Variants in ATRNL1 observed in about 807,000 individuals in gnomAD.
ATRNL1 encodes the protein attractin like 1, also known as attractin-like protein 1.
ATRNL1 carries 95 observed loss-of-function variants against 182.7 expected under a neutral mutation model. The observed-to-expected ratio is 0.52, with a 90% confidence interval of 0.44 to 0.62. The LOEUF (loss-of-function observed/expected upper bound fraction) is 0.62, where lower values mean the gene tolerates loss of function less well. Ranked by LOEUF, ATRNL1 falls within the 20% of genes least tolerant of loss-of-function variation. The pLI is 0.00. For synonymous variants in ATRNL1, 576 were observed against 568.3 expected, an observed-to-expected ratio of 1.01 and a Z score of -0.19; for missense variants, 1,471 against 1,679.5, an observed-to-expected ratio of 0.88 and a Z score of 2.17.
At chr10:115,326,507 C>T (rs1854890407) in intron 18 of ATRNL1, among the ~76,000 whole-genome samples, 1 of 152,012 alleles carries the variant, frequency 6.6e-6, no homozygotes, top group Non-Finnish European at 1.5e-5. Flanking sequence ...GGCCATACTG[C>T]CCAAGGTAAT....
chr10:115,755,142 C>G (rs1948552967), intron 27 of ATRNL1, among the ~76,000 whole-genome samples: 1 of 152,094 alleles, frequency 6.6e-6, no homozygotes, highest in Non-Finnish European at 1.5e-5. Flanking sequence ...TCCTCTTTTC[C>G]TAATTGAATA....
chr10:115,660,657 C>G (rs1860624422), intron 26 of ATRNL1, among the ~76,000 whole-genome samples: 1 of 151,852 alleles, frequency 6.6e-6, no homozygotes. Context: ...GGTGACAAAC[C>G]TTGATTGAGA....
At chr10:115,100,228 G>C (rs1554864248) in intron 1 of ATRNL1, among the ~76,000 whole-genome samples, 1 of 152,066 alleles carries the variant, frequency 6.6e-6, no homozygotes, top group African/African-American at 2.4e-5. Context: ...AGGAATTGGA[G>C]GCTGCAGTGA....
At chr10:115,632,236 A>G (rs1375562147) in intron 26 of ATRNL1, among the ~76,000 whole-genome samples, 2 of 152,172 alleles carry the variant, frequency 1.3e-5, no homozygotes, top group Non-Finnish European at 2.9e-5. Flanking sequence ...AGTGATCTAG[A>G]TGTGAAGTAA....
At chr10:115,341,003 ATTG>A (rs1855729100) in intron 19 of ATRNL1, among the ~76,000 whole-genome samples, 2 of 148,956 alleles carry the variant, frequency 1.3e-5, no homozygotes, top group Non-Finnish European at 3.0e-5. Context: ...TCTTTTTTTT[ATTG>A]TTTTCTTCAT....
chr10:115,466,314 G>T lies in ATRNL1; in HGVS notation c.3418-860G>T, dbSNP rs541012774. Among the ~76,000 whole-genome samples, 157 of 151,442 alleles carry T rather than the reference G, an allele frequency of 1.0e-3. 1 individual carries two copies. The highest frequency in any genetic ancestry group is 3.7e-3 in the African/African-American group (152 of 41,478). ...CTCTCTTACTCCGTTTCACTAGCTA[G>T]ATCTTAGCAGTATAGAATTTTCTAC... On this transcript the variant is annotated intron_variant, in intron 22 of 28. Transcript: ENST00000355044.
intron 28 of ATRNL1, among the ~76,000 whole-genome samples, chr10:115,916,695 G>A (rs1297120073): frequency 6.6e-6 from 1 of 152,186 alleles, no homozygotes; most frequent in African/African-American, 2.4e-5. Context: ...GATCCCGACA[G>A]TGTAGACTGC....
chr10:115,507,738 T>C (rs1265768589), intron 24 of ATRNL1, among the ~76,000 whole-genome samples: 1 of 152,056 alleles, frequency 6.6e-6, no homozygotes, highest in African/African-American at 2.4e-5. Context: ...CAGCTCTTTT[T>C]AGTAGTAGTA....
chr10:115,309,455 A>G (rs1020808483), intron 17 of ATRNL1, among the ~76,000 whole-genome samples: 10 of 152,032 alleles, frequency 6.6e-5, no homozygotes, highest in African/African-American at 2.4e-4. Flanking sequence ...TTCTTTCAGC[A>G]GTGTTTTGTA....
chr10:115,387,391 C>A (rs1307310481), intron 19 of ATRNL1, among the ~76,000 whole-genome samples: 2 of 152,188 alleles, frequency 1.3e-5, no homozygotes, highest in African/African-American at 4.8e-5. Context: ...CCTGATTGAA[C>A]CCCTACAAAT....
At chr10:115,728,111 TA>T (rs782146867) in intron 27 of ATRNL1, among the ~76,000 whole-genome samples, 751 of 44,352 alleles carry the variant, frequency 0.017, 9 homozygotes, top group African/African-American at 0.054. Context: ...CCGTCTCTAC[TA>T]AAAAAAAAAA....
intron 26 of ATRNL1, among the ~76,000 whole-genome samples, chr10:115,664,018 T>C (rs1860857657): frequency 6.6e-6 from 1 of 152,134 alleles, no homozygotes; most frequent in African/African-American, 2.4e-5. Flanking sequence ...CTGAGTTTTG[T>C]CCTGGACGGT....
intron 27 of ATRNL1, among the ~76,000 whole-genome samples, chr10:115,768,875 C>T (rs147550133): frequency 2.4e-3 from 359 of 152,096 alleles, no homozygotes; most frequent in African/African-American, 8.2e-3. Flanking sequence ...ACAAAAGACA[C>T]TTCCTATATA....
At chr10:115,343,977 C>A (rs146859450) in intron 19 of ATRNL1, among the ~76,000 whole-genome samples, 32 of 152,304 alleles carry the variant, frequency 2.1e-4, no homozygotes, top group African/African-American at 7.7e-4. Flanking sequence ...TTCTCCCGAA[C>A]AAACAGAATT....
Position 115,780,540 on chromosome 10 carries a change from A to C in ATRNL1, c.3903+53185A>C, listed in dbSNP as rs545396041. Among the ~76,000 whole-genome samples the C allele has an allele frequency of 2.0e-5, 3 of 152,112 alleles. No individual in the cohort carries two copies. The East Asian group carries it at 5.8e-4, about 29-fold the overall frequency. On this transcript the variant is annotated intron_variant, in intron 27 of 28. Transcript: ENST00000355044. Reference sequence around the variant, plus strand: ...CCCAGGCTGAAGAGCTCATGGCAACAAAAGTGACTCCTTTCTGTTTGAGGA... The same window carrying C: ...CCCAGGCTGAAGAGCTCATGGCAACCAAAGTGACTCCTTTCTGTTTGAGGA...
intron 26 of ATRNL1, among the ~76,000 whole-genome samples, chr10:115,636,186 A>G (rs1379488710): frequency 6.6e-6 from 1 of 152,176 alleles, no homozygotes; most frequent in Non-Finnish European, 1.5e-5. Context: ...GTAGGCAACC[A>G]TCAAAAGGGA....
Position 115,755,136 on chromosome 10 carries a change from C to G in ATRNL1, c.3903+27781C>G, listed in dbSNP as rs145609210. Among the ~76,000 whole-genome samples, 1,048 of 152,290 alleles carry G rather than the reference C, an allele frequency of 6.9e-3. 15 individuals are homozygous for G. The highest frequency in any genetic ancestry group is 0.024 in the African/African-American group (988 of 41,558). ...GCAAACAGGGAAAATTTGACTTCCTCTTTTCCTAATTGAATACCCTTTGTT... is the reference window on the plus strand; with the variant it reads ...GCAAACAGGGAAAATTTGACTTCCTGTTTTCCTAATTGAATACCCTTTGTT... On this transcript the variant is annotated intron_variant, in intron 27 of 28. Coordinates refer to ENST00000355044, the MANE Select transcript of ATRNL1 (RefSeq NM_207303.4).
intron 25 of ATRNL1, among the ~76,000 whole-genome samples, chr10:115,521,043 A>G (rs76768638): frequency 6.6e-6 from 1 of 152,228 alleles, no homozygotes; most frequent in Non-Finnish European, 1.5e-5. Flanking sequence ...CAGAAAACAA[A>G]TGAATTTTAA....
chr10:115,630,775 AATAG>A (rs1218051277), intron 26 of ATRNL1, among the ~76,000 whole-genome samples: 1 of 147,242 alleles, frequency 6.8e-6, no homozygotes, highest in Non-Finnish European at 1.5e-5. Context: ...ATATATATTT[AATAG>A]ATATGTATTG....
Sources: gnomAD v4.1 joint callset for allele counts (sites outside exome capture counted in the v4.1 genomes callset) on GRCh38, gnomAD v4.1.1 for gene constraint, MANE v1.5 for transcripts, NCBI Gene and HGNC (gene_info 2026-07-23, HGNC 2026-07-21) for gene names.